SNTG1: variants seen among roughly 807,000 people sequenced by gnomAD.
The protein encoded by SNTG1 is gamma-1-syntrophin.
Under a neutral mutation model 74.7 loss-of-function variants are expected in SNTG1, and 39 were observed. The ratio of observed to expected loss-of-function variants is 0.52; its 90% confidence interval spans 0.40 to 0.68. SNTG1 has a LOEUF of 0.68. Ranked by LOEUF, SNTG1 falls within the 30% of genes least tolerant of loss-of-function variation. The probability of loss-of-function intolerance (pLI) is 0.00; values close to 1 mark genes in which losing one functional copy is unlikely to be tolerated. For synonymous variants in SNTG1, 254 were observed against 217.1 expected (o/e 1.17, Z -1.49); for missense variants, 685 against 609.5 (o/e 1.12, Z -1.30).
Position 50,734,922 on chromosome 8 carries a change from C to T in SNTG1, c.1285-17079C>T, listed in dbSNP as rs1011767226. 1.8e-4 allele frequency among the ~76,000 whole-genome samples: 24 copies of T among 130,524 alleles called. 3 individuals are homozygous for T. Among genetic ancestry groups the T allele is most frequent in the Admixed American group, 1.6e-4 (2 of 12,724 alleles). The allele number at this position is 130,524 out of a possible 152,430, so 85.6% of individuals were successfully genotyped here. A position where few individuals can be genotyped will look rare whatever the true frequency, so the allele number is the denominator to read the frequency against. ...ACATATATATATCTATATATATGTC[C>T]ATATACATATATAGATATATATGGA... On this transcript the variant is annotated intron_variant, in intron 17 of 18. Coordinates refer to ENST00000642720, the MANE Select transcript of SNTG1 (RefSeq NM_018967.5).
At chr8:50,632,234 G>A (rs2095003921) in intron 13 of SNTG1, among the ~76,000 whole-genome samples, 1 of 151,670 alleles carries the variant, frequency 6.6e-6, no homozygotes, top group Non-Finnish European at 1.5e-5. Context: ...GGTAATATAT[G>A]ATAAAATGAT....
At chr8:50,671,191 A>G (rs1456836556) in intron 15 of SNTG1, among the ~76,000 whole-genome samples, 2 of 152,028 alleles carry the variant, frequency 1.3e-5, no homozygotes, top group Non-Finnish European at 2.9e-5. Context: ...AAATTGACAA[A>G]TGGGATCTAA....
chr8:50,602,455 G>C (rs1357341789), intron 13 of SNTG1, among the ~76,000 whole-genome samples: 3 of 151,954 alleles, frequency 2.0e-5, no homozygotes, highest in Non-Finnish European at 4.4e-5. Context: ...ATGTCTTATA[G>C]TACTGTTTGT....
At chr8:50,001,579 T>G (rs1405403121) in intron 1 of SNTG1, among the ~76,000 whole-genome samples, 1 of 152,166 alleles carries the variant, frequency 6.6e-6, no homozygotes, top group East Asian at 1.9e-4. Context: ...CCAACAACTT[T>G]CAGAGTTTCG....
At chr8:50,421,760 T>G (rs2093090782) in intron 4 of SNTG1, among the ~76,000 whole-genome samples, 1 of 152,176 alleles carries the variant, frequency 6.6e-6, no homozygotes, top group Non-Finnish European at 1.5e-5. Context: ...ATGAGACATA[T>G]TCATTAATAG....
chr8:50,594,439 A>C (rs746078183), intron 13 of SNTG1, among the ~76,000 whole-genome samples: 2 of 152,146 alleles, frequency 1.3e-5, no homozygotes, highest in Non-Finnish European at 2.9e-5. Flanking sequence ...GGCAGTATAC[A>C]AAATAATATA....
chr8:50,713,777 T>G (rs1231998122), intron 17 of SNTG1, among the ~76,000 whole-genome samples: 1 of 152,150 alleles, frequency 6.6e-6, no homozygotes, highest in Non-Finnish European at 1.5e-5. Context: ...TAGGGAATCC[T>G]GGCTGGGTGT....
chr8:50,633,775 A>G (rs1038851814), intron 13 of SNTG1, among the ~76,000 whole-genome samples: 4 of 152,076 alleles, frequency 2.6e-5, no homozygotes, highest in South Asian at 2.1e-4. Flanking sequence ...TCCTATTCCT[A>G]TGGGGTGAGG....
rs543410819 is a variant in SNTG1, at chr8:50,269,993, CT to C, written c.-28+97361del. On this transcript the variant is annotated intron_variant, in intron 2 of 18. Transcript: ENST00000642720. ...ATGTGTTTTTAATTCTTGTTTAATCCTTTCTTTATCATTCCTTATGATTGAA... is the reference window on the plus strand; with the variant it reads ...ATGTGTTTTTAATTCTTGTTTAATCCTTCTTTATCATTCCTTATGATTGAA... 1.6e-3 allele frequency among the ~76,000 whole-genome samples: 249 copies of C among 152,180 alleles called. 2 individuals are homozygous for C. The highest frequency in any genetic ancestry group is 0.014 in the Middle Eastern group (4 of 294).
chr8:50,714,108 T>C (rs1247896912), intron 17 of SNTG1, among the ~76,000 whole-genome samples: 1 of 151,760 alleles, frequency 6.6e-6, no homozygotes, highest in African/African-American at 2.4e-5. Flanking sequence ...TTCTTATTGC[T>C]TGTTTTTGTC....
At chr8:50,362,416 G>A (rs1051999689) in intron 2 of SNTG1, among the ~76,000 whole-genome samples, 2 of 152,076 alleles carry the variant, frequency 1.3e-5, no homozygotes, top group African/African-American at 4.8e-5. Flanking sequence ...CTTCTAATGA[G>A]GGAAGGGAGA....
intron 2 of SNTG1, among the ~76,000 whole-genome samples, chr8:50,331,061 A>T (rs887911633): frequency 2.0e-5 from 3 of 152,126 alleles, no homozygotes; most frequent in Non-Finnish European, 2.9e-5. Context: ...ATGTGTTTCT[A>T]TATTTTTTAT....
chr8:50,209,912 GTAA>G (rs1339724258), intron 2 of SNTG1, among the ~76,000 whole-genome samples: 1 of 152,060 alleles, frequency 6.6e-6, no homozygotes, highest in East Asian at 1.9e-4. Context: ...TAGATGACTG[GTAA>G]TAAGAAACTT....
At chr8:49,993,898 A>G (rs1431276997) in intron 1 of SNTG1, among the ~76,000 whole-genome samples, 1 of 152,200 alleles carries the variant, frequency 6.6e-6, no homozygotes, top group Non-Finnish European at 1.5e-5. Flanking sequence ...CGAATGAAAC[A>G]TTAGAACCAT....
intron 12 of SNTG1, among the ~76,000 whole-genome samples, chr8:50,576,336 T>C (rs1294153981): frequency 1.3e-5 from 2 of 152,204 alleles, no homozygotes; most frequent in African/African-American, 2.4e-5. Context: ...TGTATCTATG[T>C]GCCCGTTTTT....
chr8:50,197,613 A>G (rs2131822619), intron 2 of SNTG1, among the ~76,000 whole-genome samples: 1 of 152,262 alleles, frequency 6.6e-6, no homozygotes, highest in Admixed American at 6.5e-5. Context: ...TGACTTTCTA[A>G]GATTTTCACA....
chr8:50,583,130 G>C (rs1408366784), intron 12 of SNTG1, among the ~76,000 whole-genome samples: 1 of 152,110 alleles, frequency 6.6e-6, no homozygotes. Context: ...GAGCAGGCAT[G>C]GTGGCTCATG....
In SNTG1 at chr8:50,227,551, G is replaced by A. The variant is rs140564113; in HGVS notation, c.-28+54916G>A. ...TGGAGAAAAACTTGTGAAGGTCCCA[G>A]ACCACACACAGAGGCCCATTTGGAA... On this transcript the variant is annotated intron_variant, in intron 2 of 18. Coordinates refer to ENST00000642720, the MANE Select transcript of SNTG1 (RefSeq NM_018967.5). Among the ~76,000 whole-genome samples the A allele has an allele frequency of 1.8e-3, 270 of 152,112 alleles. 2 individuals carry two copies. The highest frequency in any genetic ancestry group is 6.1e-3 in the African/African-American group (254 of 41,490).
intron 2 of SNTG1, among the ~76,000 whole-genome samples, chr8:50,186,054 G>A (rs2083371224): frequency 6.6e-6 from 1 of 152,024 alleles, no homozygotes; most frequent in South Asian, 2.1e-4. Flanking sequence ...GTGTGCATGT[G>A]TTCTCATTGT....
Sources: allele counts gnomAD v4.1 joint callset (sites outside exome capture counted in the v4.1 genomes callset), GRCh38; gene constraint gnomAD v4.1.1; transcripts MANE v1.5; gene names NCBI Gene and HGNC (gene_info 2026-07-23, HGNC 2026-07-21).